Variants in SETDB2 observed in about 807,000 individuals in gnomAD.
SETDB2 encodes histone-lysine N-methyltransferase SETDB2.
In SETDB2, 56 loss-of-function variants were observed where a neutral mutation model predicts 82.5. The ratio of observed to expected loss-of-function variants is 0.68; its 90% CI spans 0.55 to 0.85. The LOEUF is 0.85. Among genes scored for constraint, SETDB2 ranks in the 40% least tolerant of loss-of-function variants. The pLI, the probability that SETDB2 is intolerant of heterozygous loss-of-function variation, is 0.00. For synonymous variants in SETDB2, 272 were observed against 284.9 expected (o/e 0.95, Z 0.46); for missense variants, 677 against 816.4 (o/e 0.83, Z 2.08).
At chr13:49,483,758 G>T (rs1188107082) in intron 10 of SETDB2, among the ~76,000 whole-genome samples, 195 bp downstream of exon 10, 1 of 151,364 alleles carries the variant, frequency 6.6e-6, no homozygotes, top group African/African-American at 2.4e-5. Context: ...CTCCCGAATG[G>T]CTGGGACTAC....
intron 10 of SETDB2, among the ~76,000 whole-genome samples, chr13:49,484,530 G>A (rs2057415): frequency 0.71 from 108,444 of 151,940 alleles, 38,947 homozygotes; most frequent in East Asian, 0.82. Context: ...TTGGCCTCCC[G>A]AAGTGCTGGG....
chr13:49,476,867 G>T lies in SETDB2; in HGVS notation c.697G>T (p.Asp233Tyr). ...PKQKEVVSDV[D>Y]ISNGVESVPI... ...GCAAAAAGAAGTTGTTTCTGATGTG[G>T]ATATTAGCAATGGAGTGGAATCAGT... The change falls in exon 6 of 14, where the codon GAT becomes TAT. Residue 233 changes from aspartate to tyrosine, a missense_variant. Asp to Tyr is a radical substitution (Grantham distance 160). Transcript: ENST00000611815. 1 of 1,614,164 alleles carries T rather than the reference G, an allele frequency of 6.2e-7. No individual in the cohort carries two copies. The highest frequency in any genetic ancestry group is 8.5e-7 in the Non-Finnish European group (1 of 1,180,032).
chr13:49,471,971 A>T (rs1250908571), intron 5 of SETDB2, among the ~76,000 whole-genome samples: 2 of 144,206 alleles, frequency 1.4e-5, no homozygotes, highest in Admixed American at 7.0e-5. Flanking sequence ...GGGTCTAGTC[A>T]TGTTGCCCAG....
chr13:49,484,301 C>A (rs1958547877), intron 10 of SETDB2, among the ~76,000 whole-genome samples: 1 of 152,064 alleles, frequency 6.6e-6, no homozygotes, highest in Non-Finnish European at 1.5e-5. Context: ...TGGAGTTTCA[C>A]TCTTGTTGCC....
intron 5 of SETDB2, among the ~76,000 whole-genome samples, chr13:49,475,209 G>T (rs937486841): frequency 4.6e-5 from 7 of 152,190 alleles, no homozygotes; most frequent in African/African-American, 1.7e-4. Flanking sequence ...ATCAGATCTC[G>T]TGAGACTTAT....
At chr13:49,447,739 A>G (rs866715818) in intron 1 of SETDB2, among the ~76,000 whole-genome samples, 2 of 152,190 alleles carry the variant, frequency 1.3e-5, no homozygotes, top group Middle Eastern at 3.4e-3. Flanking sequence ...TTGGTAATAC[A>G]TTCTTATTCT....
chr13:49,473,038 G>T (rs1958281552), intron 5 of SETDB2, among the ~76,000 whole-genome samples: 1 of 152,230 alleles, frequency 6.6e-6, no homozygotes, highest in South Asian at 2.1e-4. Context: ...GGCTAACTTG[G>T]AGTTGTATTT....
At chr13:49,482,588 C>G in intron 8 of SETDB2, 149 bp from the exon 9 acceptor site, 1 of 595,784 alleles carries the variant, frequency 1.7e-6, no homozygotes, top group South Asian at 3.0e-5. Context: ...TGGTCTTTGT[C>G]TTGCAACAGT....
intron 5 of SETDB2, among the ~76,000 whole-genome samples, chr13:49,473,550 CCAAAAAAAAAAAA>C (rs1284455557): frequency 9.6e-6 from 1 of 103,968 alleles, no homozygotes; most frequent in African/African-American, 3.8e-5. Context: ...GACCCTGTCT[CCAAAAAAAAAAAA>C]AAAAAAAAAA....
chr13:49,474,304 T>C (rs1042487432), intron 5 of SETDB2, among the ~76,000 whole-genome samples: 3 of 152,160 alleles, frequency 2.0e-5, no homozygotes, highest in African/African-American at 7.2e-5. Context: ...AGTATATCCT[T>C]TTACCTGTTA....
rs763470524 is a variant in SETDB2, at chr13:49,483,552, G to A, written c.1471G>A (p.Gly491Arg). The change falls in exon 10 of 14, where the codon GGG (glycine) becomes AGG (arginine). Residue 491 changes from glycine (G) to arginine (R), a missense_variant. By Grantham distance (125) the Gly-to-Arg change is moderately radical. Around this residue, in one of 3 missense-constraint regions of SETDB2, gnomAD observed 420 missense variants for 554.6 expected, o/e 0.76. Transcript: ENST00000611815. Reference protein sequence around the residue: ...ESKTAIFQHNGKKMEFVSSES... With the variant: ...ESKTAIFQHNRKKMEFVSSES... ...CAAGACAGCCATTTTTCAACACAAT[G>A]GGAAAAAAATGGTAAAAAATGCAAA... The A allele has an allele frequency of 6.9e-7, 1 of 1,452,188 alleles. No homozygotes were observed. The highest frequency in any genetic ancestry group is 1.4e-5 in the South Asian group (1 of 73,554). The allele number at this position is 1,452,188 out of a possible 1,614,324, so 90.0% of individuals were successfully genotyped here.
chr13:49,457,284 C>G (rs2138843593), intron 2 of SETDB2, among the ~76,000 whole-genome samples: 1 of 144,804 alleles, frequency 6.9e-6, no homozygotes, highest in South Asian at 2.2e-4. Flanking sequence ...AGCATTTACT[C>G]TGTTTACTTT....
intron 5 of SETDB2, among the ~76,000 whole-genome samples, chr13:49,470,352 T>C (rs767961901): frequency 3.9e-5 from 6 of 152,232 alleles, no homozygotes; most frequent in Non-Finnish European, 8.8e-5. Context: ...CCTTTGCCAT[T>C]AAGAATTCCA....
At chr13:49,471,934 A>ATATATAT (rs1378783393) in intron 5 of SETDB2, among the ~76,000 whole-genome samples, 22 of 119,280 alleles carry the variant, frequency 1.8e-4, no homozygotes, top group African/African-American at 6.5e-4. Context: ...ATATATATAT[A>ATATATAT]TTTTTTTTTT....
At chr13:49,453,870 G>GTA (rs71188359) in intron 2 of SETDB2, among the ~76,000 whole-genome samples, 76,593 of 150,454 alleles carry the variant, frequency 0.51, 19,518 homozygotes, top group Middle Eastern at 0.56. Flanking sequence ...GAGCAATGAA[G>GTA]TATATATATA....
intron 2 of SETDB2, among the ~76,000 whole-genome samples, chr13:49,454,934 T>G (rs544175955): frequency 6.6e-6 from 1 of 152,244 alleles, no homozygotes; most frequent in East Asian, 1.9e-4. Flanking sequence ...GAGCTTTTGT[T>G]TATGTGGGTA....
At chr13:49,473,338 T>G (rs1222742272) in intron 5 of SETDB2, among the ~76,000 whole-genome samples, 2 of 151,948 alleles carry the variant, frequency 1.3e-5, no homozygotes, top group Non-Finnish European at 2.9e-5. Flanking sequence ...TCACTTGAGC[T>G]CAGGAGTTTG....
chr13:49,473,612 A>G (rs749083750), intron 5 of SETDB2, among the ~76,000 whole-genome samples: 1 of 152,010 alleles, frequency 6.6e-6, no homozygotes, highest in Non-Finnish European at 1.5e-5. Context: ...ACAGAATAAT[A>G]TACTACAGAA....
At chr13:49,457,435 CTTTTTT>C (rs34354093) in intron 2 of SETDB2, among the ~76,000 whole-genome samples, 3 of 98,022 alleles carry the variant, frequency 3.1e-5, no homozygotes, top group African/African-American at 1.2e-4. Flanking sequence ...ATTTCTAAGA[CTTTTTT>C]TTTTTTTTTT....
Sources: gnomAD v4.1 joint callset for allele counts (sites outside exome capture counted in the v4.1 genomes callset) on GRCh38, gnomAD v4.1.1 for gene constraint, gnomAD v4.1.1 regional missense constraint, MANE v1.5 for transcripts, NCBI Gene and HGNC (gene_info 2026-07-23, HGNC 2026-07-21) for gene names.